Variants in MERTK observed in about 807,000 individuals in gnomAD.
MERTK encodes the protein MER proto-oncogene, tyrosine kinase, also known as tyrosine-protein kinase Mer.
In MERTK, 69 loss-of-function variants were observed where a neutral mutation model predicts 99.3. The ratio of observed to expected loss-of-function variants is 0.70; its 90% CI spans 0.57 to 0.85. The LOEUF (loss-of-function observed/expected upper bound fraction) is 0.85, where lower values mean the gene tolerates loss of function less well. Among genes scored for constraint, MERTK ranks in the 40% least tolerant of loss-of-function variants. The pLI is 0.00. For missense variants in MERTK, 1,125 were observed against 1,249.4 expected (o/e 0.90, Z 1.50); for synonymous variants, 426 against 467.6 (o/e 0.91, Z 1.15).
At chr2:111,984,492 C>CT (rs1282739610) in intron 8 of MERTK, among the ~76,000 whole-genome samples, 1 of 152,150 alleles carries the variant, frequency 6.6e-6, no homozygotes, top group East Asian at 1.9e-4. Context: ...AACGTGGCAG[C>CT]TTTAAATTCT....
chr2:111,951,695 G>A (rs985072397), intron 4 of MERTK, among the ~76,000 whole-genome samples: 1 of 151,420 alleles, frequency 6.6e-6, no homozygotes. Context: ...TATATACCCA[G>A]TATGGGAATT....
chr2:111,989,846 T>G (rs1676574243), intron 8 of MERTK, among the ~76,000 whole-genome samples: 1 of 152,240 alleles, frequency 6.6e-6, no homozygotes, highest in South Asian at 2.1e-4. Flanking sequence ...GTAAGTAAAG[T>G]TGCAATCAAG....
Position 111,945,600 on chromosome 2 carries a change from T to A in MERTK, c.583+540T>A, listed in dbSNP as rs574491209. Among the ~76,000 whole-genome samples the A allele has an allele frequency of 2.6e-5, 4 of 152,292 alleles. No homozygotes were observed. The South Asian group carries it at 8.3e-4, about 32-fold the overall frequency. ...GGTTCAGAGAAATTCCATGACATCA[T>A]ATGAAGGTCCATGGGGATGAAGAGT... is the stretch of plus-strand genomic sequence containing the variant. On this transcript the variant is annotated intron_variant, in intron 3 of 18. Transcript: ENST00000295408.
Position 111,989,650 on chromosome 2 carries a change from T to C in MERTK, c.1297-4601T>C, listed in dbSNP as rs72825631. The stretch of plus-strand genomic sequence containing the variant: ...GATTACAGGCGTAAGCCACCACTCC[T>C]GGACGGGTTGTGAATTCTTATAAAG... On this transcript the variant is annotated intron_variant, in intron 8 of 18. Transcript: ENST00000295408. Among the ~76,000 whole-genome samples the C allele has an allele frequency of 4.0e-3, 605 of 152,352 alleles. 2 individuals are homozygous for C. The highest frequency in any genetic ancestry group is 6.2e-3 in the Non-Finnish European group (421 of 68,038).
intron 15 of MERTK, among the ~76,000 whole-genome samples, chr2:112,011,933 T>C (rs1677113485): frequency 6.6e-6 from 1 of 152,068 alleles, no homozygotes; most frequent in Non-Finnish European, 1.5e-5. Flanking sequence ...CAATTGGTTA[T>C]TCACAGTGAG....
intron 17 of MERTK, 128 bp downstream of exon 17, chr2:112,021,709 A>ATC (rs3841095): frequency 0.59 from 456,657 of 780,478 alleles, 138,298 homozygotes; most frequent in Middle Eastern, 0.63. Flanking sequence ...GCTTGCTCAG[A>ATC]TCTCTTTTAT....
chr2:112,027,398 G>GA lies in MERTK; in HGVS notation c.2487-945dup, dbSNP rs200767831. 2.3e-4 allele frequency among the ~76,000 whole-genome samples: 34 copies of GA among 151,064 alleles called. 1 individual carries two copies. The highest frequency in any genetic ancestry group is 6.3e-4 in the African/African-American group (26 of 41,150). The stretch of plus-strand genomic sequence containing the variant: ...GAAATGTCAGGTCTATCAATTATAA[G>GA]AAAAAAAACATTTTTAATGAAATGA... On this transcript the variant is annotated intron_variant, in intron 18 of 18. Coordinates refer to ENST00000295408, the MANE Select transcript of MERTK (RefSeq NM_006343.3).
At chr2:111,966,242 C>T (rs991577208) in intron 5 of MERTK, among the ~76,000 whole-genome samples, 3 of 152,098 alleles carry the variant, frequency 2.0e-5, no homozygotes, top group Admixed American at 1.3e-4. Flanking sequence ...AGGTTGGGTA[C>T]ATACAGAAGG....
intron 10 of MERTK, among the ~76,000 whole-genome samples, chr2:111,999,503 G>A (rs571247485): frequency 6.6e-6 from 1 of 152,182 alleles, no homozygotes; most frequent in East Asian, 1.9e-4. Context: ...ATCTCACTTT[G>A]TTTCCCTCGC....
intron 13 of MERTK, among the ~76,000 whole-genome samples, chr2:112,007,618 T>TG (rs947025368): frequency 2.4e-4 from 37 of 152,298 alleles, no homozygotes; most frequent in African/African-American, 7.7e-4. Flanking sequence ...CATCCTTTTG[T>TG]GACAGGCTTG....
intron 15 of MERTK, among the ~76,000 whole-genome samples, chr2:112,012,571 G>A (rs780609624): frequency 5.3e-5 from 8 of 152,130 alleles, no homozygotes; most frequent in Admixed American, 1.3e-4. Context: ...CCATCCTCAG[G>A]ATCAGAAGAT....
At chr2:111,901,474 C>T (rs935363327) in intron 1 of MERTK, among the ~76,000 whole-genome samples, 4 of 151,730 alleles carry the variant, frequency 2.6e-5, no homozygotes, top group Non-Finnish European at 5.9e-5. Context: ...GAAAGTACAT[C>T]GTGCATATTT....
intron 1 of MERTK, among the ~76,000 whole-genome samples, chr2:111,903,658 G>A (rs940820254): frequency 6.6e-6 from 1 of 152,152 alleles, no homozygotes; most frequent in African/African-American, 2.4e-5. Context: ...ACTGAAAGGG[G>A]TCTCACACTG....
chr2:111,999,597 T>C (rs1315345191), intron 10 of MERTK, among the ~76,000 whole-genome samples: 1 of 152,168 alleles, frequency 6.6e-6, no homozygotes, highest in Admixed American at 6.5e-5. Context: ...CCCAGCCTTA[T>C]TTTTTAGAAC....
In MERTK at chr2:111,929,420, A is replaced by G. The variant is rs772554501; in HGVS notation, c.362A>G (p.Asn121Ser). The G allele has an allele frequency of 3.1e-6, 5 of 1,613,998 alleles. No homozygotes were observed. Among genetic ancestry groups the G allele is most frequent in the East Asian group, 2.2e-5 (1 of 44,904 alleles). Residue 121 changes from asparagine (N) to serine (S), a missense_variant, in exon 2 of 19, where the codon AAT becomes AGT. Asn to Ser is a conservative substitution (Grantham distance 46). Coordinates refer to ENST00000295408, the MANE Select transcript of MERTK (RefSeq NM_006343.3). ...VKFNCSISVP[N>S]IYQDTTISWW... ...TTTAATTGCTCAATCAGTGTACCTA[A>G]TATATACCAGGACACCACAATTTCT...
At position 111,975,288 on chromosome 2, in the gene MERTK, G is replaced by C; in HGVS notation, c.961-1G>C. On this transcript the variant is annotated splice_acceptor_variant, in intron 6 of 18. Transcript: ENST00000295408. LOFTEE classifies it high-confidence loss of function. ...GGTCCTCATGTTTACTCTTCGTTTA[G>C]GTCAAGGAAGCTGATCCGCTGAGTA... 1 of 1,614,156 alleles carries C rather than the reference G, an allele frequency of 6.2e-7. No homozygotes were observed. Among genetic ancestry groups the C allele is most frequent in the Non-Finnish European group, 8.5e-7 (1 of 1,180,012 alleles).
chr2:111,932,163 G>A (rs561170197), intron 2 of MERTK, among the ~76,000 whole-genome samples: 2 of 152,206 alleles, frequency 1.3e-5, no homozygotes, highest in East Asian at 1.9e-4. Flanking sequence ...CAAATTTAGC[G>A]ATCAGAATTT....
At chr2:111,987,923 A>G (rs1002220623) in intron 8 of MERTK, among the ~76,000 whole-genome samples, 1 of 151,684 alleles carries the variant, frequency 6.6e-6, no homozygotes, top group Non-Finnish European at 1.5e-5. Context: ...TTTCAAAGGT[A>G]TAGATCTTGG....
intron 15 of MERTK, among the ~76,000 whole-genome samples, chr2:112,010,600 T>A (rs7563113): frequency 0.25 from 37,696 of 152,048 alleles, 4,942 homozygotes; most frequent in South Asian, 0.32. Flanking sequence ...GTAGAGGCAG[T>A]TACGGATCAT....
Sources: allele counts gnomAD v4.1 joint callset (sites outside exome capture counted in the v4.1 genomes callset), GRCh38; gene constraint gnomAD v4.1.1; transcripts MANE v1.5; gene names NCBI Gene and HGNC (gene_info 2026-07-23, HGNC 2026-07-21).